Variants in AGBL4 observed in about 807,000 individuals in gnomAD.
The protein encoded by AGBL4 is cytosolic carboxypeptidase 6.
In AGBL4, 58 loss-of-function variants were observed where a neutral mutation model predicts 66.4. That is an observed-to-expected ratio of 0.87 (90% CI 0.71 to 1.09). AGBL4 has a LOEUF of 1.09. Ranked by LOEUF, AGBL4 falls within the 50% of genes least tolerant of loss-of-function variation. The pLI is 0.00. For missense variants in AGBL4, 579 were observed against 631.0 expected (o/e 0.92, Z 0.88); for synonymous variants, 234 against 222.9 (o/e 1.05, Z -0.44).
At chr1:48,742,575 T>G in intron 6 of AGBL4, 1 of 1,448,334 alleles carries the variant, frequency 6.9e-7, no homozygotes, top group Non-Finnish European at 9.2e-7. Context: ...ACCTTTACTC[T>G]GACTAACAAA....
intron 3 of AGBL4, among the ~76,000 whole-genome samples, chr1:49,593,125 T>G (rs890481019): frequency 6.6e-6 from 1 of 152,100 alleles, no homozygotes; most frequent in East Asian, 1.9e-4. Context: ...TGGGTAATAC[T>G]AGGCTGGGCG....
intron 6 of AGBL4, among the ~76,000 whole-genome samples, chr1:48,735,657 TACCAGAAAGGA>T (rs1052371789): frequency 2.1e-4 from 32 of 152,156 alleles, no homozygotes; most frequent in African/African-American, 7.5e-4. Context: ...CTCTCCCATA[TACCAGAAAGGA>T]ACCAGAAAGG....
intron 8 of AGBL4, among the ~76,000 whole-genome samples, chr1:48,648,082 C>A (rs1349699183): frequency 6.6e-6 from 1 of 152,120 alleles, no homozygotes; most frequent in African/African-American, 2.4e-5. Context: ...AACTTACCAT[C>A]ATAACCATTT....
chr1:49,248,617 G>T, intron 3 of AGBL4, among the ~76,000 whole-genome samples: 1 of 152,084 alleles, frequency 6.6e-6, no homozygotes, highest in East Asian at 1.9e-4. Context: ...TGCGAGTTTA[G>T]GAAAGGTAAT....
intron 3 of AGBL4, among the ~76,000 whole-genome samples, chr1:49,579,235 T>C (rs1009997709): frequency 2.0e-5 from 3 of 152,204 alleles, no homozygotes; most frequent in East Asian, 1.9e-4. Flanking sequence ...ATATCAAGAA[T>C]ATATATACAT....
intron 3 of AGBL4, among the ~76,000 whole-genome samples, chr1:49,542,084 C>G (rs1197305134): frequency 6.6e-6 from 1 of 152,090 alleles, no homozygotes; most frequent in Non-Finnish European, 1.5e-5. Context: ...GTGTCTAGCT[C>G]AGGGATTGTA....
intron 6 of AGBL4, among the ~76,000 whole-genome samples, chr1:48,828,526 C>G (rs1934398): frequency 0.11 from 17,386 of 152,180 alleles, 1,083 homozygotes; most frequent in African/African-American, 0.15. Flanking sequence ...GGTGCCAGTT[C>G]CCTGCATTGA....
intron 1 of AGBL4, among the ~76,000 whole-genome samples, chr1:49,977,467 C>T (rs534668364): frequency 1.3e-5 from 2 of 152,350 alleles, no homozygotes; most frequent in South Asian, 4.1e-4. Flanking sequence ...GGTTATCAAT[C>T]AATCAACACC....
intron 7 of AGBL4, among the ~76,000 whole-genome samples, chr1:48,656,090 C>T (rs1646015641): frequency 6.6e-6 from 1 of 152,158 alleles, no homozygotes; most frequent in African/African-American, 2.4e-5. Context: ...GCTGATTTAA[C>T]CAGGAAGCTG....
At chr1:49,608,002 T>A (rs1324951108) in intron 3 of AGBL4, among the ~76,000 whole-genome samples, 3 of 152,136 alleles carry the variant, frequency 2.0e-5, no homozygotes, top group African/African-American at 7.2e-5. Context: ...ATTTATTCAC[T>A]TGTCAAATGT....
intron 5 of AGBL4, among the ~76,000 whole-genome samples, chr1:49,006,265 G>T (rs1023398305): frequency 6.6e-6 from 1 of 151,818 alleles, no homozygotes; most frequent in African/African-American, 2.4e-5. Context: ...AAGGGGTGAT[G>T]AAGGGCACCT....
chr1:48,929,470 A>C (rs550793284), intron 5 of AGBL4, among the ~76,000 whole-genome samples: 1 of 152,274 alleles, frequency 6.6e-6, no homozygotes, highest in African/African-American at 2.4e-5. Context: ...ACTCAGCTCA[A>C]AATCACTTCC....
intron 3 of AGBL4, among the ~76,000 whole-genome samples, chr1:49,510,334 T>C (rs994124526): frequency 1.3e-5 from 2 of 151,782 alleles, no homozygotes; most frequent in Non-Finnish European, 2.9e-5. Context: ...TGATGGCCAG[T>C]GATGGTGAGC....
At chr1:49,316,602 G>A (rs1310323004) in intron 3 of AGBL4, among the ~76,000 whole-genome samples, 2 of 151,854 alleles carry the variant, frequency 1.3e-5, no homozygotes, top group Non-Finnish European at 2.9e-5. Flanking sequence ...AGCCAGTAAA[G>A]AAAGTTAAGT....
intron 11 of AGBL4, among the ~76,000 whole-genome samples, chr1:48,558,144 C>A (rs555996932): frequency 3.9e-5 from 6 of 152,236 alleles, no homozygotes; most frequent in Non-Finnish European, 7.4e-5. Flanking sequence ...TGAAAGCACC[C>A]GTATGGAGTT....
intron 3 of AGBL4, among the ~76,000 whole-genome samples, chr1:49,668,926 A>G (rs1167798616): frequency 1.3e-5 from 2 of 152,204 alleles, no homozygotes; most frequent in East Asian, 1.9e-4. Flanking sequence ...GTGCTACCAT[A>G]TAATCTTTCA....
At chr1:48,718,501 GC>G (rs112250891) in intron 6 of AGBL4, among the ~76,000 whole-genome samples, 3 of 152,338 alleles carry the variant, frequency 2.0e-5, no homozygotes, top group African/African-American at 7.2e-5. Context: ...TTCTCCACCA[GC>G]AATGACAGCC....
intron 7 of AGBL4, among the ~76,000 whole-genome samples, chr1:48,658,837 G>A: frequency 9.9e-6 from 1 of 100,826 alleles, no homozygotes; most frequent in African/African-American, 4.5e-5. Flanking sequence ...AGAGCATGGT[G>A]TGTGCATGTG....
chr1:49,779,008 G>A (rs1265214407), intron 2 of AGBL4, among the ~76,000 whole-genome samples: 1 of 152,194 alleles, frequency 6.6e-6, no homozygotes, highest in Non-Finnish European at 1.5e-5. Context: ...TATACTCAGA[G>A]CACTACCAAA....
Sources: gnomAD v4.1 joint callset for allele counts (sites outside exome capture counted in the v4.1 genomes callset) on GRCh38, gnomAD v4.1.1 for gene constraint, MANE v1.5 for transcripts, NCBI Gene and HGNC (gene_info 2026-07-23, HGNC 2026-07-21) for gene names.